The following GALNT14 variants were observed in gnomAD, a reference collection of about 807,000 sequenced individuals.
The protein encoded by GALNT14 is UDP-GalNAc:polypeptide N-acetylgalactosaminyltransferase 14.
A neutral mutation model predicts 77.5 loss-of-function variants in GALNT14; 60 were observed. The observed-to-expected ratio is 0.77, with a 90% CI of 0.63 to 0.96. The LOEUF is 0.96. Ranked by LOEUF, GALNT14 falls within the 40% of genes least tolerant of loss-of-function variation. GALNT14 has a pLI of 0.00. For missense variants in GALNT14, 710 were observed against 731.0 expected, an observed-to-expected ratio of 0.97 and a Z score of 0.33; for synonymous variants, 280 against 281.7, an observed-to-expected ratio of 0.99 and a Z score of 0.06.
intron 9 of GALNT14, 101 bp from the exon 10 acceptor site, chr2:30,932,295 G>T: frequency 4.3e-6 from 5 of 1,156,808 alleles, no homozygotes; most frequent in Non-Finnish European, 5.8e-6. Context: ...AGAGGCGAAA[G>T]AACAGACTCT....
intron 1 of GALNT14, among the ~76,000 whole-genome samples, chr2:31,062,817 G>A (rs1453261281): frequency 6.6e-6 from 1 of 152,192 alleles, no homozygotes; most frequent in East Asian, 1.9e-4. Context: ...GACCAGTGAT[G>A]ATGAGCTTTT....
chr2:30,956,023 C>A, intron 4 of GALNT14, 46 bp from the exon 5 acceptor site: 1 of 1,594,440 alleles, frequency 6.3e-7, no homozygotes, highest in Non-Finnish European at 8.6e-7. Flanking sequence ...AGGGATGGAC[C>A]TACGTGTTAC....
chr2:31,020,627 C>A lies in GALNT14; in HGVS notation c.130-27620G>T, dbSNP rs541608884. On this transcript the variant is annotated intron_variant, in intron 1 of 14. Coordinates refer to ENST00000349752, the MANE Select transcript of GALNT14 (RefSeq NM_024572.4). ...ACTTTCATGCTTGGCCTGGGAATGG[C>A]CTCCCCAAGCCCAGTCCCCCTTTCC... Among the ~76,000 whole-genome samples, 5 of 152,308 alleles carry A rather than the reference C, an allele frequency of 3.3e-5. No homozygotes were observed. In the South Asian group the frequency reaches 1.0e-3, roughly 32 times the overall value.
intron 1 of GALNT14, among the ~76,000 whole-genome samples, chr2:31,104,660 T>C (rs895172779): frequency 1.3e-5 from 2 of 152,220 alleles, no homozygotes; most frequent in East Asian, 1.9e-4. Flanking sequence ...GTTTCTCAAA[T>C]CTTTGAAAGT....
chr2:30,934,050 C>T (rs1665907865), intron 9 of GALNT14, among the ~76,000 whole-genome samples: 1 of 152,204 alleles, frequency 6.6e-6, no homozygotes, highest in Non-Finnish European at 1.5e-5. Context: ...TCTTCTGCCA[C>T]ACTGCAGGAG....
At chr2:31,008,974 A>G (rs1332123891) in intron 1 of GALNT14, among the ~76,000 whole-genome samples, 1 of 152,214 alleles carries the variant, frequency 6.6e-6, no homozygotes, top group Non-Finnish European at 1.5e-5. Flanking sequence ...GACAAGGGCC[A>G]TAGGTTCCCA....
chr2:31,059,335 A>G (rs373716432), intron 1 of GALNT14, among the ~76,000 whole-genome samples: 50 of 152,346 alleles, frequency 3.3e-4, no homozygotes, highest in African/African-American at 1.2e-3. Flanking sequence ...TGCTTTATGT[A>G]TCCATCCTAA....
intron 1 of GALNT14, among the ~76,000 whole-genome samples, chr2:31,017,495 G>A (rs1671446262): frequency 6.6e-6 from 1 of 152,076 alleles, no homozygotes; most frequent in South Asian, 2.1e-4. Flanking sequence ...TTACCTGCAG[G>A]GGATCCAGGT....
chr2:30,976,670 G>C (rs1668652227), intron 2 of GALNT14, among the ~76,000 whole-genome samples: 1 of 151,838 alleles, frequency 6.6e-6, no homozygotes, highest in Non-Finnish European at 1.5e-5. Context: ...AAAGGCAAAT[G>C]CAGAGCCTAG....
At chr2:30,915,831 TTAAAGGC>T (rs1664644684) in intron 13 of GALNT14, among the ~76,000 whole-genome samples, 1 of 152,206 alleles carries the variant, frequency 6.6e-6, no homozygotes, top group Admixed American at 6.5e-5. Context: ...AAGTTAAATG[TTAAAGGC>T]TGAAAGGGCC....
intron 1 of GALNT14, among the ~76,000 whole-genome samples, chr2:31,074,531 C>T (rs1675634894): frequency 1.3e-5 from 2 of 152,078 alleles, no homozygotes; most frequent in South Asian, 4.1e-4. Context: ...TGTCTGTGGG[C>T]AGCTTACAGG....
intron 1 of GALNT14, among the ~76,000 whole-genome samples, chr2:31,016,920 C>T (rs909507125): frequency 7.2e-5 from 11 of 152,166 alleles, no homozygotes; most frequent in African/African-American, 2.7e-4. Flanking sequence ...AAAGGGATCA[C>T]GAGGTGTTAG....
At chr2:31,055,026 G>C (rs989738752) in intron 1 of GALNT14, among the ~76,000 whole-genome samples, 1 of 152,128 alleles carries the variant, frequency 6.6e-6, no homozygotes, top group Non-Finnish European at 1.5e-5. Flanking sequence ...GAGGAAACCC[G>C]GGCCAGAGTT....
chr2:31,042,526 T>C (rs574492922), intron 1 of GALNT14, among the ~76,000 whole-genome samples: 25 of 152,268 alleles, frequency 1.6e-4, no homozygotes, highest in African/African-American at 6.0e-4. Flanking sequence ...TCCTCTTTCA[T>C]CCCTGGGATG....
chr2:30,989,204 T>G (rs946929182), intron 2 of GALNT14, among the ~76,000 whole-genome samples: 1 of 152,128 alleles, frequency 6.6e-6, no homozygotes, highest in Non-Finnish European at 1.5e-5. Flanking sequence ...GAAGCCTGGA[T>G]TGAGAAATGC....
intron 1 of GALNT14, among the ~76,000 whole-genome samples, chr2:31,106,020 T>C (rs767927919): frequency 6.6e-6 from 1 of 152,178 alleles, no homozygotes; most frequent in South Asian, 2.1e-4. Flanking sequence ...CCAACCATTC[T>C]AGCCATGTCC....
At chr2:31,104,401 C>T (rs1333481932) in intron 1 of GALNT14, among the ~76,000 whole-genome samples, 1 of 152,124 alleles carries the variant, frequency 6.6e-6, no homozygotes. Context: ...TCTCTAAATA[C>T]TCCAGTGCAT....
chr2:31,118,937 A>G (rs1388800287), intron 1 of GALNT14, among the ~76,000 whole-genome samples: 1 of 152,190 alleles, frequency 6.6e-6, no homozygotes. Context: ...ATGGGAAATT[A>G]TATGACAAAG....
intron 1 of GALNT14, among the ~76,000 whole-genome samples, chr2:31,052,686 A>G (rs1426434436): frequency 1.3e-5 from 2 of 152,174 alleles, no homozygotes; most frequent in African/African-American, 4.8e-5. Context: ...TGCACAGGAC[A>G]GCACCGGCGG....
Sources: allele counts gnomAD v4.1 joint callset (sites outside exome capture counted in the v4.1 genomes callset), GRCh38; gene constraint gnomAD v4.1.1; transcripts MANE v1.5; gene names NCBI Gene and HGNC (gene_info 2026-07-23, HGNC 2026-07-21).